The following SOCS7 variants were observed in gnomAD, a reference collection of about 807,000 sequenced individuals.
SOCS7 encodes NAP-4.
A neutral mutation model predicts 58.9 loss-of-function variants in SOCS7; 18 were observed. The observed-to-expected ratio is 0.31, with a 90% confidence interval of 0.21 to 0.45. The LOEUF (loss-of-function observed/expected upper bound fraction) is 0.45, where lower values mean the gene tolerates loss of function less well. SOCS7 is among the 20% of genes least tolerant of loss of function. The pLI, the probability that SOCS7 is intolerant of heterozygous loss-of-function variation, is 1.00. For missense variants in SOCS7, 667 were observed against 837.3 expected, an observed-to-expected ratio of 0.80 and a Z score of 2.51; for synonymous variants, 388 against 364.3, an observed-to-expected ratio of 1.06 and a Z score of -0.74.
chr17:38,395,221 T>G (rs909697448), intron 7 of SOCS7, 88 bp from the exon 8 acceptor site: 2 of 1,409,982 alleles, frequency 1.4e-6, no homozygotes, highest in African/African-American at 2.8e-5. Context: ...GAAGTCCCAT[T>G]TCCCCTCCCT....
rs1473491986 is a variant in SOCS7, at chr17:38,352,296, GC to G, written c.248del (p.Pro83ArgfsTer38). 6 of 1,488,050 alleles carry G rather than the reference GC, an allele frequency of 4.0e-6. No homozygotes were observed. Among genetic ancestry groups the G allele is most frequent in the Admixed American group, 4.6e-5 (2 of 43,106 alleles). 92.2% of individuals were successfully genotyped at this position (1,488,050 alleles called of 1,614,324 possible). On this transcript the variant is annotated frameshift_variant, in exon 1 of 10. Coordinates refer to ENST00000612932, the MANE Select transcript of SOCS7 (RefSeq NM_014598.4). LOFTEE classifies it high-confidence loss of function. The surrounding 1 kb of genome is among the most constrained non-coding windows in gnomAD (Gnocchi z 5.5). The stretch of plus-strand genomic sequence containing the variant: ...GCCGGAGGAGGAGGACGTGGAGGCG[GC>G]CCCGGAGCCGGGACCCTCGGAACTG... ...RPPEEEDVEAAPEPGPSELLC... is the reference protein window; with the variant it reads ...RPPEEEDVEAXPEPGPSELLC...
intron 7 of SOCS7, among the ~76,000 whole-genome samples, chr17:38,379,953 A>G (rs912329966): frequency 2.0e-5 from 3 of 152,218 alleles, no homozygotes; most frequent in Non-Finnish European, 4.4e-5. Context: ...GAAGGAAGAC[A>G]AAGGTCAGAG....
At chr17:38,372,753 C>T (rs2037883807) in intron 6 of SOCS7, among the ~76,000 whole-genome samples, 1 of 152,100 alleles carries the variant, frequency 6.6e-6, no homozygotes, top group African/African-American at 2.4e-5. Context: ...AGTTTGAGGT[C>T]CACAGCTGTG....
At chr17:38,367,777 T>C in intron 5 of SOCS7, 105 bp from the exon 6 acceptor site, 1 of 1,012,216 alleles carries the variant, frequency 9.9e-7, no homozygotes, top group Middle Eastern at 2.2e-4. Flanking sequence ...ATTGAAATAT[T>C]TTGGAGAGAA....
At chr17:38,366,164 T>G in intron 4 of SOCS7, 123 bp from the exon 5 acceptor site, 1 of 1,404,612 alleles carries the variant, frequency 7.1e-7, no homozygotes. Flanking sequence ...GCTTCTACCC[T>G]TTCCAGCTTA....
At chr17:38,382,868 T>C (rs2038021318) in intron 7 of SOCS7, among the ~76,000 whole-genome samples, 1 of 152,182 alleles carries the variant, frequency 6.6e-6, no homozygotes, top group African/African-American at 2.4e-5. Flanking sequence ...TTCAGTGACA[T>C]GTCTTCCCTG....
intron 7 of SOCS7, among the ~76,000 whole-genome samples, chr17:38,388,799 C>T (rs1165489184): frequency 6.6e-6 from 1 of 152,118 alleles, no homozygotes; most frequent in Non-Finnish European, 1.5e-5. Flanking sequence ...TTTCAAAGTT[C>T]ACCAGTGTTG....
At chr17:38,378,800 T>C (rs1415881697) in intron 7 of SOCS7, among the ~76,000 whole-genome samples, 2 of 152,182 alleles carry the variant, frequency 1.3e-5, no homozygotes, top group South Asian at 2.1e-4. Flanking sequence ...TGGAGCAATC[T>C]GCCTTTATAG....
chr17:38,377,377 A>G (rs2037945035), intron 6 of SOCS7, among the ~76,000 whole-genome samples: 1 of 152,218 alleles, frequency 6.6e-6, no homozygotes, highest in Admixed American at 6.5e-5. Flanking sequence ...TTGGATTAGT[A>G]ATGTTCAACT....
At chr17:38,363,443 C>G (rs997428473) in intron 2 of SOCS7, among the ~76,000 whole-genome samples, 2 of 152,206 alleles carry the variant, frequency 1.3e-5, no homozygotes, top group Admixed American at 6.5e-5. Context: ...CCAAACGATC[C>G]TCCCACCTCA....
intron 6 of SOCS7, among the ~76,000 whole-genome samples, chr17:38,373,106 CAA>C (rs372032423): frequency 5.3e-5 from 6 of 113,060 alleles, no homozygotes; most frequent in African/African-American, 6.4e-5. Context: ...AACTCTGTCT[CAA>C]AAAAAAAAAA....
chr17:38,379,592 G>A (rs1377681711), intron 7 of SOCS7, among the ~76,000 whole-genome samples: 2 of 152,160 alleles, frequency 1.3e-5, no homozygotes, highest in South Asian at 2.1e-4. Context: ...AACTGTAGGA[G>A]CTCAGGGGAG....
intron 2 of SOCS7, among the ~76,000 whole-genome samples, chr17:38,363,941 A>C (rs587608916): frequency 9.6e-4 from 146 of 152,286 alleles, no homozygotes; most frequent in African/African-American, 3.3e-3. Context: ...TATTAATAAA[A>C]TACCTTTCAT....
intron 7 of SOCS7, among the ~76,000 whole-genome samples, chr17:38,389,855 GTGTA>G (rs1394666529): frequency 0.038 from 78 of 2,050 alleles, no homozygotes; most frequent in African/African-American, 0.071. Flanking sequence ...TTTGTTTGGT[GTGTA>G]TGTGTGTACA....
chr17:38,374,242 T>C (rs1452135097), intron 6 of SOCS7, among the ~76,000 whole-genome samples: 3 of 141,954 alleles, frequency 2.1e-5, no homozygotes, highest in Non-Finnish European at 4.6e-5. Context: ...ATAGTTGTTA[T>C]AGAAGAAATT....
chr17:38,374,354 G>A (rs2037905134), intron 6 of SOCS7, among the ~76,000 whole-genome samples: 1 of 152,146 alleles, frequency 6.6e-6, no homozygotes, highest in Non-Finnish European at 1.5e-5. Flanking sequence ...CCTGGGCAAC[G>A]TGGTGAAACC....
At chr17:38,363,362 G>T (rs749103909) in intron 2 of SOCS7, among the ~76,000 whole-genome samples, 27 of 152,240 alleles carry the variant, frequency 1.8e-4, no homozygotes, top group Non-Finnish European at 2.8e-4. Context: ...TTGACACAGG[G>T]CCTCACTTTG....
chr17:38,377,823 C>T lies in SOCS7; in HGVS notation c.1662C>T (p.Phe554=), dbSNP rs554906158. ...CCAAGAATGGAAAGTTTCTCTATTT[C>T]TTAAGATCCAGGGTTCCAGGTAAGG... ...MHSKNGKFLY[F]LRSRVPGLPP... The change falls in exon 7 of 10, where the codon TTC becomes TTT. Residue 554 remains phenylalanine, a synonymous_variant. Coordinates refer to ENST00000612932, the MANE Select transcript of SOCS7 (RefSeq NM_014598.4). The T allele has an allele frequency of 1.2e-6, 2 of 1,613,512 alleles. No individual in the cohort carries two copies. The highest frequency in any genetic ancestry group is 2.2e-5 in the South Asian group (2 of 90,940).
Position 38,373,106 on chromosome 17 carries a change from CA to C in SOCS7, c.1553-4596del, listed in dbSNP as rs372032423. Among the ~76,000 whole-genome samples, 394 of 112,830 alleles carry C rather than the reference CA, an allele frequency of 3.5e-3. 1 individual carries two copies. The highest frequency in any genetic ancestry group is 4.7e-3 in the Non-Finnish European group (249 of 52,782). 74.0% of individuals were successfully genotyped at this position (112,830 alleles called of 152,430 possible). On this transcript the variant is annotated intron_variant, in intron 6 of 9. Transcript: ENST00000612932. ...GGGCAACAAGAGCAGAACTCTGTCTCAAAAAAAAAAAAGAAAAGAAAAGAAA... is the reference window on the plus strand; with the variant it reads ...GGGCAACAAGAGCAGAACTCTGTCTCAAAAAAAAAAAGAAAAGAAAAGAAA...
Sources: allele counts gnomAD v4.1 joint callset (sites outside exome capture counted in the v4.1 genomes callset), GRCh38; gene constraint gnomAD v4.1.1; non-coding constraint Gnocchi (gnomAD v3.1); transcripts MANE v1.5; gene names NCBI Gene and HGNC (gene_info 2026-07-23, HGNC 2026-07-21).